The following CD3G variants were observed in gnomAD, a reference collection of about 807,000 sequenced individuals.
CD3G encodes T-cell surface glycoprotein CD3 gamma chain.
In CD3G, 24 loss-of-function variants were observed where a neutral mutation model predicts 28.3. That is an observed-to-expected ratio of 0.85 (90% CI 0.61 to 1.19). CD3G has a LOEUF of 1.19. CD3G is among the 50% of genes most tolerant of loss of function. The pLI, the probability that CD3G is intolerant of heterozygous loss-of-function variation, is 0.00. For synonymous variants in CD3G, 71 were observed against 75.9 expected (o/e 0.93, Z 0.34); for missense variants, 211 against 210.0 (o/e 1.00, Z -0.03).
intron 3 of CD3G, among the ~76,000 whole-genome samples, 188 bp from the exon 4 acceptor site, chr11:118,350,364 G>A (rs1948395492): frequency 6.6e-6 from 1 of 152,142 alleles, no homozygotes; most frequent in Non-Finnish European, 1.5e-5. Flanking sequence ...GCTTCCCCAG[G>A]AATCCTGGGG....
At chr11:118,351,488 TCAA>T (rs1303221109) in intron 4 of CD3G, 137 bp from the exon 5 acceptor site, 5 of 768,010 alleles carry the variant, frequency 6.5e-6, no homozygotes, top group Non-Finnish European at 1.1e-5. Flanking sequence ...CTTCTTTCAC[TCAA>T]CAACATGTTT....
intron 1 of CD3G, among the ~76,000 whole-genome samples, chr11:118,348,476 T>C (rs1948376281): frequency 6.6e-6 from 1 of 152,166 alleles, no homozygotes; most frequent in African/African-American, 2.4e-5. Context: ...CCCCGTGGAA[T>C]TAGAACACAT....
intron 3 of CD3G, 143 bp from the exon 4 acceptor site, chr11:118,350,409 G>T (rs1359283480): frequency 1.3e-6 from 1 of 744,032 alleles, no homozygotes; most frequent in Non-Finnish European, 2.4e-6. Context: ...GAGTTTTGGC[G>T]CAAGGATCTT....
intron 1 of CD3G, among the ~76,000 whole-genome samples, chr11:118,345,931 T>C (rs1948351688): frequency 6.6e-6 from 1 of 152,164 alleles, no homozygotes; most frequent in Non-Finnish European, 1.5e-5. Flanking sequence ...TAGAATTATT[T>C]CTGAGAGAAA....
At chr11:118,344,949 C>G (rs1422124789) in intron 1 of CD3G, among the ~76,000 whole-genome samples, 1 of 152,206 alleles carries the variant, frequency 6.6e-6, no homozygotes, top group African/African-American at 2.4e-5. Context: ...CACTTATGCT[C>G]TACAGAACTC....
rs201294811 is a variant in CD3G at position 118,353,967 on chromosome 11, T to C, written c.*867T>C. ...CTATACATCTTGTGAGATTATTGCATACCATTATATGAAGATACCATTATA... is the reference window on the plus strand; with the variant it reads ...CTATACATCTTGTGAGATTATTGCACACCATTATATGAAGATACCATTATA... On this transcript the variant is annotated 3_prime_UTR_variant, in exon 7 of 7. Coordinates refer to ENST00000532917, the MANE Select transcript of CD3G (RefSeq NM_000073.3). The C allele has an allele frequency of 6.6e-6, 1 of 152,210 alleles. No homozygotes were observed. Among genetic ancestry groups the C allele is most frequent in the Non-Finnish European group, 1.5e-5 (1 of 68,028 alleles). The allele number at this position is 152,210 out of a possible 1,614,324, so 9.4% of individuals were successfully genotyped here. A position where few individuals can be genotyped will look rare whatever the true frequency, so the allele number is the denominator to read the frequency against.
chr11:118,350,655 T>C lies in CD3G; in HGVS notation c.411T>C (p.Ala137=). The C allele has an allele frequency of 6.2e-7, 1 of 1,614,004 alleles. No homozygotes were observed. Among genetic ancestry groups the C allele is most frequent in the Non-Finnish European group, 8.5e-7 (1 of 1,179,982 alleles). ...FVLAVGVYFI[A]GQDGVRQSRA... Reference sequence around the variant, plus strand: ...TTGCTGTTGGGGTCTACTTCATTGCTGGACAGGATGGAGTTCGCCAGTCGA... The same window carrying C: ...TTGCTGTTGGGGTCTACTTCATTGCCGGACAGGATGGAGTTCGCCAGTCGA... The change falls in exon 4 of 7, where the codon GCT becomes GCC. Residue 137 remains alanine, a synonymous_variant. Coordinates refer to ENST00000532917, the MANE Select transcript of CD3G (RefSeq NM_000073.3).
At chr11:118,344,648 A>G (rs1948338775) in intron 1 of CD3G, among the ~76,000 whole-genome samples, 170 bp downstream of exon 1, 1 of 152,258 alleles carries the variant, frequency 6.6e-6, no homozygotes, top group African/African-American at 2.4e-5. Context: ...CTAGAGAGAA[A>G]CAGTGTCCCA....
Position 118,350,634 on chromosome 11 carries a change from T to C in CD3G, c.390T>C (p.Ala130=), listed in dbSNP as rs3753059. 291,480 of 1,613,082 alleles carry C rather than the reference T, an allele frequency of 0.18. 33,340 individuals are homozygous for C. The highest frequency in any genetic ancestry group is 0.51 in the East Asian group (22,653 of 44,782). ...FAEIVSIFVL[A]VGVYFIAGQD... is the part of the protein sequence containing the mutation. ...AAATCGTCAGCATTTTCGTCCTTGC[T>C]GTTGGGGTCTACTTCATTGCTGGAC... is the stretch of plus-strand genomic sequence containing the variant. Residue 130 remains alanine, a synonymous_variant, in exon 4 of 7, where the codon GCT becomes GCC. Coordinates refer to ENST00000532917, the MANE Select transcript of CD3G (RefSeq NM_000073.3).
At chr11:118,350,710 T>C in intron 4 of CD3G, 27 bp downstream of exon 4, 1 of 1,613,414 alleles carries the variant, frequency 6.2e-7, no homozygotes, top group South Asian at 1.1e-5. Flanking sequence ...AGATGAGAGA[T>C]GGGACCACCT....
chr11:118,346,185 G>C (rs1430058909), intron 1 of CD3G, among the ~76,000 whole-genome samples: 2 of 152,200 alleles, frequency 1.3e-5, no homozygotes, highest in African/African-American at 4.8e-5. Flanking sequence ...TGTAATCCCA[G>C]CACTTTGGGA....
At chr11:118,350,431 C>T (rs1213099212) in intron 3 of CD3G, 121 bp from the exon 4 acceptor site, 13 of 793,280 alleles carry the variant, frequency 1.6e-5, no homozygotes, top group Middle Eastern at 4.6e-4. Context: ...CCTTGCCCTG[C>T]CACCCACAGA....
intron 1 of CD3G, among the ~76,000 whole-genome samples, chr11:118,344,712 C>T (rs1490929664): frequency 6.6e-6 from 1 of 152,230 alleles, no homozygotes; most frequent in Non-Finnish European, 1.5e-5. Flanking sequence ...ACTTAAATGG[C>T]TGAAGAGAGG....
chr11:118,352,273 C>A, intron 5 of CD3G, 131 bp from the exon 6 acceptor site: 1 of 800,342 alleles, frequency 1.2e-6, no homozygotes, highest in Non-Finnish European at 2.2e-6. Flanking sequence ...ATCTCCTTGT[C>A]CTCTTTCCAT....
intron 4 of CD3G, chr11:118,351,000 A>G (rs546802222): frequency 7.7e-5 from 39 of 506,490 alleles, no homozygotes; most frequent in Non-Finnish European, 1.1e-4. Flanking sequence ...CATCCTGGCT[A>G]GCACGGTGAA....
At chr11:118,349,521 C>A (rs1051866499) in intron 2 of CD3G, 1 of 623,818 alleles carries the variant, frequency 1.6e-6, no homozygotes, top group Non-Finnish European at 2.8e-6. Flanking sequence ...ATTCTTCACC[C>A]CCTGACGCAG....
At position 118,344,477 on chromosome 11, in the gene CD3G, A is replaced by T. The variant is rs1326055704; in HGVS notation, c.54A>T (p.Gln18His). 1 of 1,565,080 alleles carries T rather than the reference A, an allele frequency of 6.4e-7. No individual in the cohort carries two copies. Among genetic ancestry groups the T allele is most frequent in the South Asian group, 1.2e-5 (1 of 84,904 alleles). ...AVLILAIILL[Q>H]GTLAQSIKGN... ...TCATCCTGGCTATCATTCTTCTTCA[A>T]GGTAAGGGCCTACTAGGGGTCTGGA... Residue 18 changes from glutamine to histidine, a missense_variant and splice_region_variant, in exon 1 of 7, where the codon CAA (glutamine) becomes CAT (histidine). Coordinates refer to ENST00000532917, the MANE Select transcript of CD3G (RefSeq NM_000073.3).
At chr11:118,350,041 T>A in intron 3 of CD3G, 71 bp downstream of exon 3, 1 of 1,196,730 alleles carries the variant, frequency 8.4e-7, no homozygotes, top group Non-Finnish European at 1.2e-6. Context: ...GCTTTTTATC[T>A]GGGGTGAAAG....
In CD3G at chr11:118,354,780, C is replaced by T. The variant is rs1948436744; in HGVS notation, c.*1680C>T. ...CATATATTTTTAGTGAAATGTGTATCAAATCTTTTGCCCATTTTTAAGTTG... is the reference window on the plus strand; with the variant it reads ...CATATATTTTTAGTGAAATGTGTATTAAATCTTTTGCCCATTTTTAAGTTG... On this transcript the variant is annotated 3_prime_UTR_variant, in exon 7 of 7. Transcript: ENST00000532917. The T allele has an allele frequency of 6.6e-6, 1 of 152,018 alleles. No homozygotes were observed. The highest frequency in any genetic ancestry group is 2.1e-4 in the South Asian group (1 of 4,826). The allele number at this position is 152,018 out of a possible 1,614,324, so 9.4% of individuals were successfully genotyped here.
Sources: allele counts gnomAD v4.1 joint callset (sites outside exome capture counted in the v4.1 genomes callset), GRCh38; gene constraint gnomAD v4.1.1; transcripts MANE v1.5; gene names NCBI Gene and HGNC (gene_info 2026-07-23, HGNC 2026-07-21).